Variants in RERE observed in about 807,000 individuals in gnomAD.
RERE encodes arginine-glutamic acid dipeptide repeats, also known as arginine-glutamic acid dipeptide repeats protein.
A neutral mutation model predicts 146.1 loss-of-function variants in RERE; 40 were observed. The ratio of observed to expected loss-of-function variants is 0.27; its 90% CI spans 0.21 to 0.36. RERE has a LOEUF of 0.36. Ranked by LOEUF, RERE falls within the 10% of genes least tolerant of loss-of-function variation. The pLI is 1.00. For missense variants in RERE, 1,933 were observed against 2,138.7 expected (o/e 0.90, Z 1.90); for synonymous variants, 1,003 against 866.0 (o/e 1.16, Z -2.78).
chr1:8,616,935 T>C (rs1243351741), intron 3 of RERE, among the ~76,000 whole-genome samples: 1 of 152,178 alleles, frequency 6.6e-6, no homozygotes, highest in African/African-American at 2.4e-5. Flanking sequence ...ATCAGTATCA[T>C]GCAAAAAGGA....
At chr1:8,692,537 C>G (rs1240518025) in intron 1 of RERE, among the ~76,000 whole-genome samples, 1 of 151,896 alleles carries the variant, frequency 6.6e-6, no homozygotes, top group Non-Finnish European at 1.5e-5. Context: ...TTAGTAGAGA[C>G]AGGGTTTCAC....
At chr1:8,477,542 G>A (rs529483062) in intron 10 of RERE, among the ~76,000 whole-genome samples, 4 of 152,340 alleles carry the variant, frequency 2.6e-5, no homozygotes, top group African/African-American at 9.6e-5. Flanking sequence ...GCAGAAGGCT[G>A]GAGGATGACA....
intron 1 of RERE, among the ~76,000 whole-genome samples, chr1:8,764,886 C>A (rs911774072): frequency 4.6e-5 from 7 of 152,192 alleles, no homozygotes; most frequent in Non-Finnish European, 8.8e-5. Context: ...AAGGTTCATG[C>A]ATTGCTAGTA....
At chr1:8,447,011 C>G (rs1029232252) in intron 11 of RERE, among the ~76,000 whole-genome samples, 1 of 151,700 alleles carries the variant, frequency 6.6e-6, no homozygotes, top group Non-Finnish European at 1.5e-5. Flanking sequence ...TTTCTCTAAT[C>G]TTGTCTTCAC....
chr1:8,407,318 G>A (rs1176726118), intron 12 of RERE, among the ~76,000 whole-genome samples: 2 of 152,162 alleles, frequency 1.3e-5, no homozygotes, highest in Non-Finnish European at 2.9e-5. Context: ...CCAGGACACC[G>A]ATGAAACAGA....
chr1:8,806,513 C>A (rs1414198419), intron 1 of RERE, among the ~76,000 whole-genome samples: 1 of 151,954 alleles, frequency 6.6e-6, no homozygotes, highest in African/African-American at 2.4e-5. Flanking sequence ...AGGGAGACTC[C>A]ATCTCAAAAA....
intron 3 of RERE, among the ~76,000 whole-genome samples, chr1:8,623,279 C>T (rs1280806136): frequency 2.0e-5 from 3 of 152,002 alleles, no homozygotes; most frequent in African/African-American, 7.3e-5. Context: ...AAACCCTGTT[C>T]TCTGCTAAAA....
chr1:8,662,189 A>C (rs1638471347), intron 1 of RERE, among the ~76,000 whole-genome samples: 1 of 152,228 alleles, frequency 6.6e-6, no homozygotes, highest in Non-Finnish European at 1.5e-5. Flanking sequence ...AGGGGAAAGA[A>C]TCAAAGCTTT....
At chr1:8,577,313 T>C (rs1646308352) in intron 4 of RERE, among the ~76,000 whole-genome samples, 2 of 152,210 alleles carry the variant, frequency 1.3e-5, no homozygotes, top group African/African-American at 4.8e-5. Flanking sequence ...TCTCTCTCTC[T>C]CCCCTCTCTT....
intron 4 of RERE, among the ~76,000 whole-genome samples, chr1:8,558,633 C>T (rs1646034957): frequency 6.6e-6 from 1 of 152,042 alleles, no homozygotes. Flanking sequence ...CCTGCTTTAA[C>T]GAGCAAGTCA....
intron 12 of RERE, among the ~76,000 whole-genome samples, chr1:8,389,581 C>T (rs1642808096): frequency 6.6e-6 from 1 of 152,194 alleles, no homozygotes; most frequent in East Asian, 1.9e-4. Flanking sequence ...CAAGACCCCC[C>T]TACCGCCACA....
At chr1:8,633,959 TCA>T (rs1647065846) in intron 2 of RERE, among the ~76,000 whole-genome samples, 1 of 151,892 alleles carries the variant, frequency 6.6e-6, no homozygotes, top group African/African-American at 2.4e-5. Flanking sequence ...AATGAACTTA[TCA>T]AATCAACACC....
rs772909728 is a variant in RERE at position 8,656,243 on chromosome 1, G to A, written c.55C>T (p.Arg19Trp). 1.5e-5 allele frequency: 24 copies of A among 1,612,164 alleles called. No individual in the cohort carries two copies. The highest frequency in any genetic ancestry group is 6.7e-5 in the African/African-American group (5 of 74,690). ...TCTCTTTTCTCTCTCTCTCGGTCCC[G>A]GTCTCGGTCCCGGTCCTTCTCTTTG... The part of the protein sequence containing the change: ...KDKEKDRDRD[R>W]DREREKRDKA... Residue 19 changes from arginine to tryptophan, a missense_variant, in exon 2 of 23, where the codon CGG becomes TGG. Around this residue, in one of 11 missense-constraint regions of RERE, gnomAD observed 107 missense variants for 119.7 expected, o/e 0.89. Transcript: ENST00000400908.
At chr1:8,784,570 GTGTATA>G (rs1464148731) in intron 1 of RERE, among the ~76,000 whole-genome samples, 3 of 152,044 alleles carry the variant, frequency 2.0e-5, no homozygotes, top group Non-Finnish European at 4.4e-5. Context: ...TTGAACGAAC[GTGTATA>G]TGTATATGTC....
intron 1 of RERE, chr1:8,786,903 A>G (rs1641268795): frequency 1.2e-6 from 1 of 861,010 alleles, no homozygotes; most frequent in Non-Finnish European, 1.9e-6. Flanking sequence ...CTGGCACAAC[A>G]GGAACCTTCT....
intron 12 of RERE, among the ~76,000 whole-genome samples, chr1:8,376,424 T>C (rs1642257399): frequency 6.6e-6 from 1 of 152,162 alleles, no homozygotes; most frequent in Non-Finnish European, 1.5e-5. Context: ...CAGAAGCACA[T>C]TTGGTAGCCA....
chr1:8,681,724 A>T (rs1638975952), intron 1 of RERE, among the ~76,000 whole-genome samples: 2 of 152,210 alleles, frequency 1.3e-5, no homozygotes, highest in African/African-American at 4.8e-5. Context: ...GAGATCAACA[A>T]AGAAATTAAA....
chr1:8,489,360 A>G (rs1333173449), intron 10 of RERE, among the ~76,000 whole-genome samples: 1 of 151,960 alleles, frequency 6.6e-6, no homozygotes, highest in Non-Finnish European at 1.5e-5. Flanking sequence ...ACTTAAAAAA[A>G]AAAAGAAAAA....
intron 6 of RERE, among the ~76,000 whole-genome samples, chr1:8,544,110 A>G (rs1213334142): frequency 1.3e-5 from 2 of 152,220 alleles, no homozygotes; most frequent in African/African-American, 4.8e-5. Flanking sequence ...AGTATTGGAA[A>G]TAATTGACTG....
Sources: allele counts gnomAD v4.1 joint callset (sites outside exome capture counted in the v4.1 genomes callset), GRCh38; gene constraint gnomAD v4.1.1; regional missense constraint gnomAD v4.1.1; transcripts MANE v1.5; gene names NCBI Gene and HGNC (gene_info 2026-07-23, HGNC 2026-07-21).